Variants in CDCP1 observed in about 807,000 individuals in gnomAD.
CDCP1 encodes the protein CUB domain containing protein 1.
CDCP1 carries 29 observed loss-of-function variants against 60.2 expected under a neutral mutation model. The ratio of observed to expected loss-of-function variants is 0.48; its 90% CI spans 0.36 to 0.66. The LOEUF is 0.66. Among genes scored for constraint, CDCP1 ranks in the 30% least tolerant of loss-of-function variants. The probability of loss-of-function intolerance (pLI) is 0.00; values close to 1 mark genes in which losing one functional copy is unlikely to be tolerated. For missense variants in CDCP1, 876 were observed against 1,074.3 expected, an observed-to-expected ratio of 0.82 and a Z score of 2.58; for synonymous variants, 387 against 431.1, an observed-to-expected ratio of 0.90 and a Z score of 1.27.
chr3:45,120,382 C>T (rs1253980714), intron 1 of CDCP1, among the ~76,000 whole-genome samples: 4 of 152,162 alleles, frequency 2.6e-5, no homozygotes, highest in Non-Finnish European at 2.9e-5. Flanking sequence ...CCCAGTTTAT[C>T]GTTTGCCTTT....
At chr3:45,132,234 CAAA>C (rs10716215) in intron 1 of CDCP1, among the ~76,000 whole-genome samples, 10 of 126,376 alleles carry the variant, frequency 7.9e-5, no homozygotes, top group Admixed American at 7.8e-5. Flanking sequence ...GACTCCGTCT[CAAA>C]AAAAAAAAAA....
intron 4 of CDCP1, among the ~76,000 whole-genome samples, chr3:45,097,893 T>C (rs746142858): frequency 6.6e-6 from 1 of 152,222 alleles, no homozygotes; most frequent in Non-Finnish European, 1.5e-5. Context: ...AGCTGAAGTA[T>C]ATATTCTAAT....
intron 4 of CDCP1, among the ~76,000 whole-genome samples, chr3:45,107,658 A>G (rs993633160): frequency 2.0e-5 from 3 of 152,156 alleles, no homozygotes; most frequent in African/African-American, 4.8e-5. Context: ...TCCACTTTAC[A>G]GATGAGCAAC....
chr3:45,098,936 A>C (rs181972619), intron 4 of CDCP1, among the ~76,000 whole-genome samples: 9 of 152,112 alleles, frequency 5.9e-5, no homozygotes, highest in Admixed American at 5.9e-4. Flanking sequence ...TAAATTTGAA[A>C]ACATTAGGTA....
At chr3:45,095,267 C>T (rs1698378700) in intron 5 of CDCP1, 80 bp downstream of exon 5, 1 of 1,296,038 alleles carries the variant, frequency 7.7e-7, no homozygotes. Flanking sequence ...TACAACCTAC[C>T]CAGGGAACCC....
chr3:45,131,007 C>T (rs1030404660), intron 1 of CDCP1, among the ~76,000 whole-genome samples: 1 of 152,218 alleles, frequency 6.6e-6, no homozygotes, highest in Admixed American at 6.5e-5. Flanking sequence ...GCTGGGACCA[C>T]CAGCGAATGA....
chr3:45,112,467 A>G (rs1300560328), intron 2 of CDCP1, 22 bp from the exon 3 acceptor site: 1 of 1,602,870 alleles, frequency 6.2e-7, no homozygotes, highest in Non-Finnish European at 8.5e-7. Flanking sequence ...TCACAGAAGC[A>G]ATTTTGATCA....
At chr3:45,089,480 G>C (rs1186490533) in intron 7 of CDCP1, among the ~76,000 whole-genome samples, 1 of 152,154 alleles carries the variant, frequency 6.6e-6, no homozygotes, top group East Asian at 1.9e-4. Context: ...TAGCCATGTA[G>C]AGATTCCACC....
chr3:45,085,723 G>T lies in CDCP1; in HGVS notation c.2426C>A (p.Ser809Tyr), dbSNP rs752457117. ...GCTTACATCCCCATTGTTGGGATGG[G>T]AGAAGGTGTACGGTTCACTCTCAGA... ...PESESEPYTF[S>Y]HPNNGDVSSK... Residue 809 changes from serine (S) to tyrosine (Y), a missense_variant, in exon 9 of 9, where the codon TCC becomes TAC. Ser to Tyr is a moderately radical substitution (Grantham distance 144). Around this residue, in one of 2 missense-constraint regions of CDCP1, gnomAD observed 726 missense variants for 935.7 expected, o/e 0.78. Coordinates refer to ENST00000296129, the MANE Select transcript of CDCP1 (RefSeq NM_022842.5). This position sits in a 1 kb window ranked among gnomAD's most constrained non-coding sequence, Gnocchi z 4.2. The T allele has an allele frequency of 6.2e-7, 1 of 1,614,180 alleles. No homozygotes were observed. Among genetic ancestry groups the T allele is most frequent in the South Asian group, 1.1e-5 (1 of 91,084 alleles).
chr3:45,120,661 G>A (rs1488818021), intron 1 of CDCP1, among the ~76,000 whole-genome samples: 1 of 152,134 alleles, frequency 6.6e-6, no homozygotes, highest in African/African-American at 2.4e-5. Flanking sequence ...CATTTTTGGG[G>A]CAAAACTTCT....
chr3:45,120,998 A>G (rs1249044365), intron 1 of CDCP1, among the ~76,000 whole-genome samples: 1 of 152,108 alleles, frequency 6.6e-6, no homozygotes. Context: ...CGTATTTTTT[A>G]GTGGTAGCCC....
chr3:45,091,129 A>G lies in CDCP1; in HGVS notation c.1993+44T>C. ...CTTGCTCTCTATCCTCCAGCTGACAATTTTTTGTTCATCACTGTCCCCAAA... is the reference window on the plus strand; with the variant it reads ...CTTGCTCTCTATCCTCCAGCTGACAGTTTTTTGTTCATCACTGTCCCCAAA... On this transcript the variant is annotated intron_variant, in intron 7 of 8. Transcript: ENST00000296129. The surrounding 1 kb of genome is among the most constrained non-coding windows in gnomAD (Gnocchi z 4.8). 1 of 1,569,874 alleles carries G rather than the reference A, an allele frequency of 6.4e-7. No individual in the cohort carries two copies. The highest frequency in any genetic ancestry group is 8.6e-7 in the Non-Finnish European group (1 of 1,156,624).
intron 1 of CDCP1, among the ~76,000 whole-genome samples, chr3:45,128,408 A>G (rs1040353732): frequency 2.6e-5 from 4 of 152,242 alleles, no homozygotes; most frequent in South Asian, 2.1e-4. Flanking sequence ...CCGGGCTCCA[A>G]CTTCCAGAAT....
intron 1 of CDCP1, 142 bp downstream of exon 1, chr3:45,146,064 T>G: frequency 1.4e-6 from 1 of 732,340 alleles, no homozygotes; most frequent in South Asian, 2.1e-5. Context: ...CACCCGCGCA[T>G]TTTGACTACG....
intron 5 of CDCP1, 93 bp downstream of exon 5, chr3:45,095,254 A>G: frequency 8.4e-7 from 1 of 1,190,978 alleles, no homozygotes; most frequent in Non-Finnish European, 1.2e-6. Context: ...TTTTGATATG[A>G]TTTACAACCT....
At chr3:45,098,253 C>T (rs1415160314) in intron 4 of CDCP1, among the ~76,000 whole-genome samples, 7 of 152,046 alleles carry the variant, frequency 4.6e-5, no homozygotes, top group Admixed American at 3.3e-4. Context: ...GGCTGGACTG[C>T]GGTGGCGTGA....
At chr3:45,103,759 G>C (rs1268022361) in intron 4 of CDCP1, among the ~76,000 whole-genome samples, 3 of 152,146 alleles carry the variant, frequency 2.0e-5, no homozygotes, top group East Asian at 3.9e-4. Flanking sequence ...CGTTTCCCTT[G>C]CCACTCCTCT....
chr3:45,126,146 C>G (rs1698986565), intron 1 of CDCP1, among the ~76,000 whole-genome samples: 1 of 142,102 alleles, frequency 7.0e-6, no homozygotes, highest in South Asian at 2.3e-4. Flanking sequence ...TTCTTTCTTT[C>G]TTTCTTTCTT....
At chr3:45,107,883 G>A (rs547677728) in intron 4 of CDCP1, among the ~76,000 whole-genome samples, 2 of 152,118 alleles carry the variant, frequency 1.3e-5, no homozygotes, top group Non-Finnish European at 2.9e-5. Context: ...TTGGGTGGCC[G>A]AGGCGGGTGG....
Sources: gnomAD v4.1 joint callset for allele counts (sites outside exome capture counted in the v4.1 genomes callset) on GRCh38, gnomAD v4.1.1 for gene constraint, gnomAD v4.1.1 regional missense constraint, Gnocchi (gnomAD v3.1) non-coding constraint, MANE v1.5 for transcripts, NCBI Gene and HGNC (gene_info 2026-07-23, HGNC 2026-07-21) for gene names.